The following MAF variants were observed in gnomAD, a reference collection of about 807,000 sequenced individuals.
MAF encodes transcription factor Maf.
Under a neutral mutation model 22.0 loss-of-function variants are expected in MAF, and 10 were observed. The ratio of observed to expected loss-of-function variants is 0.45; its 90% CI spans 0.28 to 0.77. The LOEUF (loss-of-function observed/expected upper bound fraction) is 0.77. Ranked by LOEUF, MAF falls within the 30% of genes least tolerant of loss-of-function variation. MAF has a pLI of 0.12. For missense variants in MAF, 544 were observed against 548.4 expected (o/e 0.99, Z 0.08); for synonymous variants, 337 against 255.8 (o/e 1.32, Z -3.03).
chr16:79,517,041 C>A, the MAF span, among the ~76,000 whole-genome samples: 1 of 151,384 alleles, frequency 6.6e-6, no homozygotes, highest in Non-Finnish European at 1.5e-5. Context: ...TTTTTTTTCT[C>A]CAGGACCATA....
the MAF span, among the ~76,000 whole-genome samples, chr16:79,313,296 A>G: frequency 1.3e-5 from 2 of 152,136 alleles, no homozygotes; most frequent in Non-Finnish European, 2.9e-5. Context: ...AGAAGGGGGA[A>G]GAAAAAAAGT....
chr16:79,502,702 A>AATATAAATATAAAT, the MAF span, among the ~76,000 whole-genome samples: 1 of 86,538 alleles, frequency 1.2e-5, no homozygotes, highest in African/African-American at 8.1e-5. Flanking sequence ...TATAAATATA[A>AATATAAATATAAAT]ATATAAATAT....
At chr16:79,373,864 A>C in the MAF span, among the ~76,000 whole-genome samples, 1 of 152,184 alleles carries the variant, frequency 6.6e-6, no homozygotes, top group Non-Finnish European at 1.5e-5. Context: ...TTTTAAAATA[A>C]ATTACCCCAT....
chr16:79,537,446 C>G, the MAF span, among the ~76,000 whole-genome samples: 1 of 152,124 alleles, frequency 6.6e-6, no homozygotes. Flanking sequence ...GCCCATTTTA[C>G]AGCTGAAGGC....
At chr16:79,422,563 G>A in the MAF span, among the ~76,000 whole-genome samples, 1 of 152,106 alleles carries the variant, frequency 6.6e-6, no homozygotes, top group South Asian at 2.1e-4. Context: ...CTTGCTCCAT[G>A]CACTTCTGGG....
the MAF span, among the ~76,000 whole-genome samples, chr16:79,217,625 A>G: frequency 1.3e-5 from 2 of 152,142 alleles, no homozygotes; most frequent in African/African-American, 4.8e-5. Flanking sequence ...ATGCTACAGA[A>G]TCCACCCAAA....
At chr16:79,569,045 C>G in the MAF span, among the ~76,000 whole-genome samples, 1,103 of 152,286 alleles carry the variant, frequency 7.2e-3, 40 homozygotes, top group Admixed American at 0.062. Flanking sequence ...CACTTCCTGC[C>G]TAAGTCCCTG....
chr16:79,205,533 C>G, the MAF span: 4 of 152,244 alleles, frequency 2.6e-5, no homozygotes, highest in African/African-American at 9.6e-5. Flanking sequence ...CTCCAGAACA[C>G]TTTCTCACAC....
chr16:79,264,467 C>G, the MAF span: 1 of 152,192 alleles, frequency 6.6e-6, no homozygotes, highest in Admixed American at 6.5e-5. Context: ...TATGGCCATA[C>G]CATTCTGAAT....
At chr16:79,424,509 T>C in the MAF span, among the ~76,000 whole-genome samples, 1 of 152,240 alleles carries the variant, frequency 6.6e-6, no homozygotes, top group Non-Finnish European at 1.5e-5. Flanking sequence ...TATGACTGCA[T>C]TGGTATAAGA....
the MAF span, among the ~76,000 whole-genome samples, chr16:79,318,912 G>C: frequency 6.6e-6 from 1 of 152,230 alleles, no homozygotes; most frequent in East Asian, 1.9e-4. Context: ...CTGCTCACCT[G>C]AGCCTCAACA....
the MAF span, among the ~76,000 whole-genome samples, chr16:79,340,594 TG>T: frequency 6.6e-6 from 1 of 151,836 alleles, no homozygotes; most frequent in South Asian, 2.1e-4. Context: ...TTCTTTGTGG[TG>T]GGACATTTAG....
the MAF span, among the ~76,000 whole-genome samples, chr16:79,495,165 A>G: frequency 6.6e-6 from 1 of 152,166 alleles, no homozygotes; most frequent in African/African-American, 2.4e-5. Context: ...TTGGTGATAG[A>G]ATAGCAAAAG....
chr16:79,459,724 C>G, the MAF span, among the ~76,000 whole-genome samples: 1 of 152,024 alleles, frequency 6.6e-6, no homozygotes, highest in Non-Finnish European at 1.5e-5. Flanking sequence ...AGGTGCGCAC[C>G]ACCATGCCTG....
the MAF span, among the ~76,000 whole-genome samples, chr16:79,571,554 T>TTTTTC: frequency 1.4e-5 from 2 of 139,886 alleles, no homozygotes; most frequent in Non-Finnish European, 3.1e-5. Context: ...TTTTTTTTTT[T>TTTTTC]ACAAATGCAC....
At chr16:79,311,944 C>T in the MAF span, among the ~76,000 whole-genome samples, 7 of 152,016 alleles carry the variant, frequency 4.6e-5, no homozygotes, top group South Asian at 2.1e-4. Flanking sequence ...GGCAGGATGG[C>T]GGAGAGGGAA....
At chr16:79,370,727 C>T in the MAF span, among the ~76,000 whole-genome samples, 1 of 152,172 alleles carries the variant, frequency 6.6e-6, no homozygotes, top group African/African-American at 2.4e-5. Flanking sequence ...CACTGCTTTT[C>T]TCCGTCTCTG....
chr16:79,526,240 G>T, the MAF span, among the ~76,000 whole-genome samples: 1 of 152,082 alleles, frequency 6.6e-6, no homozygotes, highest in Non-Finnish European at 1.5e-5. Flanking sequence ...GTTGAGGGGA[G>T]GATTTCAGGA....
At chr16:79,296,054 G>T in the MAF span, among the ~76,000 whole-genome samples, 5 of 152,222 alleles carry the variant, frequency 3.3e-5, no homozygotes, top group African/African-American at 9.6e-5. Context: ...GTGGGCTGAT[G>T]GCTGTGGAAT....
Sources: allele counts gnomAD v4.1 joint callset (sites outside exome capture counted in the v4.1 genomes callset), GRCh38; gene constraint gnomAD v4.1.1; transcripts MANE v1.5; gene names NCBI Gene and HGNC (gene_info 2026-07-23, HGNC 2026-07-21).